The following ZNF292 variants were observed in gnomAD, a reference collection of about 807,000 sequenced individuals.
ZNF292 encodes zinc finger protein 292.
In ZNF292, 26 loss-of-function variants were observed where a neutral mutation model predicts 217.9. The ratio of observed to expected loss-of-function variants is 0.12; its 90% CI spans 0.09 to 0.17. The LOEUF (loss-of-function observed/expected upper bound fraction) is 0.17. Ranked by LOEUF, ZNF292 falls within the 10% of genes least tolerant of loss-of-function variation. The pLI is 1.00. For missense variants in ZNF292, 2,904 were observed against 3,175.2 expected (o/e 0.91, Z 2.05); for synonymous variants, 1,257 against 1,124.1 (o/e 1.12, Z -2.37).
chr6:87,159,676 A>G lies in ZNF292; in HGVS notation c.168+3917A>G, dbSNP rs541901021. 5.3e-5 allele frequency among the ~76,000 whole-genome samples: 8 copies of G among 151,096 alleles called. No homozygotes were observed. The South Asian group carries it at 8.4e-4, about 16-fold the overall frequency. The stretch of plus-strand genomic sequence containing the variant: ...TGCCACCATGCCCGGCTAATTTTGT[A>G]TTTTTACTAGAGACAGGGTTTCTCC... On this transcript the variant is annotated intron_variant, in intron 1 of 7. Transcript: ENST00000369577.
intron 1 of ZNF292, among the ~76,000 whole-genome samples, chr6:87,199,906 T>C (rs539580731): frequency 1.8e-4 from 27 of 152,320 alleles, no homozygotes; most frequent in Admixed American, 5.9e-4. Context: ...TTTCCTACCA[T>C]TGTATTTCAT....
chr6:87,169,684 T>C, intron 1 of ZNF292: 1 of 441,734 alleles, frequency 2.3e-6, no homozygotes, highest in Non-Finnish European at 4.6e-6. Flanking sequence ...GGTCTCACTG[T>C]CACCCAGGCT....
chr6:87,257,918 A>G lies in ZNF292; in HGVS notation c.4289A>G (p.Asn1430Ser), dbSNP rs6941356. 152,802 of 1,613,834 alleles carry G rather than the reference A, an allele frequency of 0.095. 7,711 individuals are homozygous for G. The highest frequency in any genetic ancestry group is 0.12 in the East Asian group (5,463 of 44,874). ...SLLASMILST[N>S]AVNLQQPQQS... Reference sequence around the variant, plus strand: ...CTTGCCAGCATGATTCTCTCCACAAATGCAGTAAATTTGCAGCAGCCACAA... The same window carrying G: ...CTTGCCAGCATGATTCTCTCCACAAGTGCAGTAAATTTGCAGCAGCCACAA... The change falls in exon 8 of 8, where the codon AAT becomes AGT. Residue 1430 changes from asparagine to serine, a missense_variant. By Grantham distance (46) the Asn-to-Ser change is conservative (BLOSUM62 1). Coordinates refer to ENST00000369577, the MANE Select transcript of ZNF292 (RefSeq NM_015021.3).
At position 87,218,715 on chromosome 6, in the gene ZNF292, A is replaced by G. The variant is rs747827662; in HGVS notation, c.522A>G (p.Pro174=). The G allele has an allele frequency of 3.8e-6, 6 of 1,591,920 alleles. No homozygotes were observed. In the South Asian group the frequency reaches 7.1e-5, roughly 19 times the overall value. ...TGTGCACTATTCTTTCCCAGGAACC[A>G]TTGGATAAGGATAAAGGTAAATTTT... ...PVLCTILSQE[P]LDKDKVNEFL... The change falls in exon 4 of 8, where the codon CCA becomes CCG. Residue 174 remains proline (P), a synonymous_variant. Coordinates refer to ENST00000369577, the MANE Select transcript of ZNF292 (RefSeq NM_015021.3).
chr6:87,240,955 A>G (rs1328944712), intron 5 of ZNF292, among the ~76,000 whole-genome samples: 2 of 152,206 alleles, frequency 1.3e-5, no homozygotes, highest in Non-Finnish European at 2.9e-5. Flanking sequence ...ACTTTGAGCA[A>G]AGAACTTAAC....
chr6:87,164,562 A>T (rs1260132960), intron 1 of ZNF292, among the ~76,000 whole-genome samples: 2 of 152,032 alleles, frequency 1.3e-5, no homozygotes, highest in African/African-American at 2.4e-5. Flanking sequence ...AGGCACTTTT[A>T]TGGGACACAT....
rs68087857 is a variant in ZNF292 at position 87,204,554 on chromosome 6, A to ATTTTTTTTT, written c.169-11331_169-11323dup. 1.1e-3 allele frequency among the ~76,000 whole-genome samples: 68 copies of ATTTTTTTTT among 63,634 alleles called. 14 individuals carry two copies. Among genetic ancestry groups the ATTTTTTTTT allele is most frequent in the African/African-American group, 2.8e-3 (40 of 14,376 alleles). The allele number at this position is 63,634 out of a possible 152,430, so 41.7% of individuals were successfully genotyped here. A position where few individuals can be genotyped will look rare whatever the true frequency, so the allele number is the denominator to read the frequency against. ...TAGGATTTGGTTGGTAACATTTAGGATTTTTTTTTTTTTTTTTTTTTTTTT... is the reference window on the plus strand; with the variant it reads ...TAGGATTTGGTTGGTAACATTTAGGATTTTTTTTTTTTTTTTTTTTTTTTTTTTTTTTTT... On this transcript the variant is annotated intron_variant, in intron 1 of 7. Transcript: ENST00000369577.
At position 87,156,596 on chromosome 6, in the gene ZNF292, T is replaced by G. The variant is rs561336478; in HGVS notation, c.168+837T>G. ...GTCCCGATCACCCCCTCACCCCTGT[T>G]TCTTGGAGTCCTTCCTATTTGGCTT... On this transcript the variant is annotated intron_variant, in intron 1 of 7. Coordinates refer to ENST00000369577, the MANE Select transcript of ZNF292 (RefSeq NM_015021.3). Among the ~76,000 whole-genome samples, 3 of 152,332 alleles carry G rather than the reference T, an allele frequency of 2.0e-5. No individual in the cohort carries two copies. In the East Asian group the frequency reaches 5.8e-4, roughly 29 times the overall value.
chr6:87,253,864 T>C (rs1336538895), intron 7 of ZNF292, among the ~76,000 whole-genome samples: 1 of 152,232 alleles, frequency 6.6e-6, no homozygotes, highest in Non-Finnish European at 1.5e-5. Flanking sequence ...CATTGTTCCC[T>C]TCTGGTCTTT....
At chr6:87,190,710 GTGATT>G (rs1049164200) in intron 1 of ZNF292, among the ~76,000 whole-genome samples, 20 of 152,086 alleles carry the variant, frequency 1.3e-4, no homozygotes, top group African/African-American at 4.6e-4. Flanking sequence ...CTGACCTCAG[GTGATT>G]TGCCCACCTC....
At chr6:87,164,881 G>C (rs867605574) in intron 1 of ZNF292, among the ~76,000 whole-genome samples, 8 of 149,076 alleles carry the variant, frequency 5.4e-5, no homozygotes, top group Admixed American at 2.7e-4. Flanking sequence ...TTCTGCCTCC[G>C]CCTCCCAAGT....
At chr6:87,231,044 A>T (rs965729354) in intron 4 of ZNF292, among the ~76,000 whole-genome samples, 5 of 152,194 alleles carry the variant, frequency 3.3e-5, no homozygotes, top group Admixed American at 6.5e-5. Flanking sequence ...GAGAAGCATG[A>T]AAACAGTCTT....
intron 2 of ZNF292, 88 bp downstream of exon 2, chr6:87,216,145 ACACACACACAC>A (rs1428379087): frequency 6.5e-5 from 71 of 1,088,666 alleles, no homozygotes; most frequent in Non-Finnish European, 8.5e-5. Context: ...ACACACACAC[ACACACACACAC>A]AACATTAAAT....
intron 1 of ZNF292, among the ~76,000 whole-genome samples, chr6:87,182,544 A>G (rs1375439469): frequency 6.6e-6 from 1 of 152,174 alleles, no homozygotes; most frequent in Non-Finnish European, 1.5e-5. Context: ...ATTGTGACTA[A>G]TTTATTAGTG....
chr6:87,247,336 C>A (rs1393815792), intron 7 of ZNF292, among the ~76,000 whole-genome samples: 1 of 151,304 alleles, frequency 6.6e-6, no homozygotes, highest in African/African-American at 2.4e-5. Context: ...GAAGCTGGAA[C>A]CTGTGAAGTA....
chr6:87,231,115 G>T (rs1773631351), intron 4 of ZNF292, among the ~76,000 whole-genome samples: 1 of 152,098 alleles, frequency 6.6e-6, no homozygotes, highest in Non-Finnish European at 1.5e-5. Flanking sequence ...ATAGAAAGAT[G>T]CAGAGAAGTG....
chr6:87,227,716 T>C (rs1376948050), intron 4 of ZNF292, among the ~76,000 whole-genome samples: 1 of 152,224 alleles, frequency 6.6e-6, no homozygotes, highest in South Asian at 2.1e-4. Context: ...GACTGACTTA[T>C]TTCACTTAGC....
intron 4 of ZNF292, among the ~76,000 whole-genome samples, chr6:87,228,818 T>C (rs1411493851): frequency 6.6e-6 from 1 of 152,212 alleles, no homozygotes; most frequent in African/African-American, 2.4e-5. Flanking sequence ...CATCAGTGTT[T>C]GATTACTTGA....
chr6:87,191,236 G>T (rs1204416889), intron 1 of ZNF292, among the ~76,000 whole-genome samples: 1 of 151,902 alleles, frequency 6.6e-6, no homozygotes, highest in African/African-American at 2.4e-5. Context: ...TAGAAGAATT[G>T]TCTTGAGCCA....
Sources: allele counts gnomAD v4.1 joint callset (sites outside exome capture counted in the v4.1 genomes callset), GRCh38; gene constraint gnomAD v4.1.1; transcripts MANE v1.5; gene names NCBI Gene and HGNC (gene_info 2026-07-23, HGNC 2026-07-21).